Variants in GOLM2 observed in about 807,000 individuals in gnomAD.
GOLM2 encodes protein GOLM2.
GOLM2 carries 26 observed loss-of-function variants against 55.9 expected under a neutral mutation model. The ratio of observed to expected loss-of-function variants is 0.47; its 90% CI spans 0.34 to 0.65. The LOEUF (loss-of-function observed/expected upper bound fraction) is 0.65, where lower values mean the gene tolerates loss of function less well. Among genes scored for constraint, GOLM2 ranks in the 30% least tolerant of loss-of-function variants. GOLM2 has a pLI of 0.01. For synonymous variants in GOLM2, 165 were observed against 194.6 expected (o/e 0.85, Z 1.27); for missense variants, 486 against 531.8 (o/e 0.91, Z 0.85).
intron 8 of GOLM2, among the ~76,000 whole-genome samples, chr15:44,398,657 C>CTTTTTT (rs994381104): frequency 9.3e-6 from 1 of 108,076 alleles, no homozygotes; most frequent in African/African-American, 3.7e-5. Context: ...ATATAGGAGC[C>CTTTTTT]TTTTTTTTTT....
chr15:44,396,182 C>A (rs1165676878), intron 8 of GOLM2, among the ~76,000 whole-genome samples: 1 of 152,026 alleles, frequency 6.6e-6, no homozygotes, highest in African/African-American at 2.4e-5. Context: ...TGGCGAAACC[C>A]CGTCTCTACT....
intron 6 of GOLM2, among the ~76,000 whole-genome samples, chr15:44,341,409 T>C (rs975726441): frequency 6.6e-6 from 1 of 152,036 alleles, no homozygotes; most frequent in African/African-American, 2.4e-5. Context: ...AGTTAAAATT[T>C]TATCATTATT....
intron 6 of GOLM2, among the ~76,000 whole-genome samples, chr15:44,341,323 G>A (rs972385021): frequency 3.3e-5 from 5 of 151,714 alleles, no homozygotes; most frequent in East Asian, 1.9e-4. Flanking sequence ...CTTGTGATCC[G>A]CCTGCCTCAG....
intron 1 of GOLM2, among the ~76,000 whole-genome samples, chr15:44,319,968 A>G (rs1267911278): frequency 6.6e-6 from 1 of 152,262 alleles, no homozygotes; most frequent in Non-Finnish European, 1.5e-5. Context: ...TGTACAATTT[A>G]GTGCATTTTA....
At chr15:44,381,034 T>A in intron 8 of GOLM2, 58 bp downstream of exon 8, 1 of 1,097,588 alleles carries the variant, frequency 9.1e-7, no homozygotes, top group Non-Finnish European at 1.2e-6. Context: ...TAATATGAAT[T>A]AAGGTCTTCA....
intron 9 of GOLM2, among the ~76,000 whole-genome samples, chr15:44,407,660 G>A (rs527502224): frequency 1.3e-5 from 2 of 151,924 alleles, no homozygotes; most frequent in East Asian, 3.9e-4. Flanking sequence ...TATTGCCCAG[G>A]CTGGTTTCAA....
chr15:44,347,105 CAG>C (rs2079130523), intron 6 of GOLM2, among the ~76,000 whole-genome samples: 1 of 151,876 alleles, frequency 6.6e-6, no homozygotes. Context: ...GTCTGGGTGA[CAG>C]AGAGAGACCC....
chr15:44,403,487 T>A (rs2079579545), intron 9 of GOLM2, among the ~76,000 whole-genome samples: 2 of 152,186 alleles, frequency 1.3e-5, no homozygotes, highest in Non-Finnish European at 2.9e-5. Flanking sequence ...ACAAAGAGGT[T>A]CTGTGGAGTT....
intron 1 of GOLM2, among the ~76,000 whole-genome samples, chr15:44,291,104 CTTTTTTT>C (rs577138423): frequency 7.7e-6 from 1 of 129,350 alleles, no homozygotes; most frequent in African/African-American, 2.8e-5. Flanking sequence ...TGCCCAGCCT[CTTTTTTT>C]TTTTTTTTTT....
At chr15:44,320,913 A>G (rs1432377195) in intron 1 of GOLM2, among the ~76,000 whole-genome samples, 1 of 152,084 alleles carries the variant, frequency 6.6e-6, no homozygotes, top group Admixed American at 6.6e-5. Flanking sequence ...TTGCCACTGT[A>G]TCTTTTCTTA....
chr15:44,316,040 G>A (rs2141124416), intron 1 of GOLM2, among the ~76,000 whole-genome samples: 1 of 152,192 alleles, frequency 6.6e-6, no homozygotes, highest in Middle Eastern at 3.4e-3. Flanking sequence ...TTACCTGTGT[G>A]GAATATATTT....
chr15:44,382,741 G>A (rs753715186), intron 8 of GOLM2, among the ~76,000 whole-genome samples: 2 of 151,236 alleles, frequency 1.3e-5, no homozygotes, highest in African/African-American at 2.4e-5. Context: ...ATAATTGCTC[G>A]GAAATTATTA....
At position 44,311,869 on chromosome 15, in the gene GOLM2, C is replaced by T. The variant is rs964928170; in HGVS notation, c.328-11096C>T. On this transcript the variant is annotated intron_variant, in intron 1 of 9. Coordinates refer to ENST00000299957, the MANE Select transcript of GOLM2 (RefSeq NM_138423.4). ...TTCACCATGTTGGCCAGAGAGATCT[C>T]GAACTCCTGACCTCAGGTGATCCAC... is the stretch of plus-strand genomic sequence containing the variant. Among the ~76,000 whole-genome samples, 4 of 152,188 alleles carry T rather than the reference C, an allele frequency of 2.6e-5. No homozygotes were observed. The South Asian group carries it at 6.2e-4, about 24-fold the overall frequency.
chr15:44,405,451 A>T (rs2079591190), intron 9 of GOLM2: 1 of 152,212 alleles, frequency 6.6e-6, no homozygotes, highest in Non-Finnish European at 1.5e-5. Flanking sequence ...CAGCTCCAAC[A>T]AATAAAGAGG....
chr15:44,380,050 G>C (rs2079391718), intron 7 of GOLM2, among the ~76,000 whole-genome samples: 1 of 151,942 alleles, frequency 6.6e-6, no homozygotes, highest in Non-Finnish European at 1.5e-5. Context: ...TTTCCTCTCT[G>C]CCTGCTATAC....
intron 1 of GOLM2, among the ~76,000 whole-genome samples, chr15:44,312,774 C>G (rs543021236): frequency 6.6e-6 from 1 of 151,962 alleles, no homozygotes; most frequent in African/African-American, 2.4e-5. Flanking sequence ...GGTGAAACCC[C>G]GTCTCTACTA....
chr15:44,338,374 C>A (rs949276475), intron 6 of GOLM2, 57 bp downstream of exon 6: 3 of 1,300,964 alleles, frequency 2.3e-6, no homozygotes, highest in Admixed American at 3.7e-5. Context: ...TTTCATGTGA[C>A]CCCATTCTCT....
At chr15:44,321,484 A>AGGGG (rs36053508) in intron 1 of GOLM2, among the ~76,000 whole-genome samples, 2 of 70,028 alleles carry the variant, frequency 2.9e-5, no homozygotes, top group African/African-American at 9.5e-5. Context: ...AAAAAAAAAA[A>AGGGG]GGGGGGGTGG....
intron 6 of GOLM2, among the ~76,000 whole-genome samples, chr15:44,347,548 A>G (rs539255674): frequency 1.3e-5 from 2 of 152,350 alleles, no homozygotes; most frequent in South Asian, 4.1e-4. Flanking sequence ...CCCAGCAGGC[A>G]GAACTTGAGT....
Sources: gnomAD v4.1 joint callset for allele counts (sites outside exome capture counted in the v4.1 genomes callset) on GRCh38, gnomAD v4.1.1 for gene constraint, MANE v1.5 for transcripts, NCBI Gene and HGNC (gene_info 2026-07-23, HGNC 2026-07-21) for gene names.